The following MGAT5B variants were observed in gnomAD, a reference collection of about 807,000 sequenced individuals.
MGAT5B encodes the protein alpha-1,6-mannosylglycoprotein 6-beta-N-acetylglucosaminyltransferase B, also known as N-acetylglucosaminyl-transferase Vb.
Under a neutral mutation model 95.1 loss-of-function variants are expected in MGAT5B, and 54 were observed. The observed-to-expected ratio is 0.57, with a 90% confidence interval of 0.46 to 0.71. The LOEUF (loss-of-function observed/expected upper bound fraction) is 0.71. Among genes scored for constraint, MGAT5B ranks in the 30% least tolerant of loss-of-function variants. The pLI is 0.00. For missense variants in MGAT5B, 935 were observed against 1,088.6 expected (o/e 0.86, Z 1.99); for synonymous variants, 464 against 451.0 (o/e 1.03, Z -0.36).
chr17:76,887,497 T>TCCCTCCCTCCCTCCCTC (rs1967692517), intron 3 of MGAT5B, among the ~76,000 whole-genome samples: 2 of 30,606 alleles, frequency 6.5e-5, no homozygotes, highest in African/African-American at 1.6e-4. Context: ...CTCCCTCCCT[T>TCCCTCCCTCCCTCCCTC]CCTCTCTCCC....
Position 76,905,299 on chromosome 17 carries a change from A to G in MGAT5B, c.821A>G (p.Gln274Arg), listed in dbSNP as rs771561902. The G allele has an allele frequency of 6.2e-7, 1 of 1,602,708 alleles. No homozygotes were observed. The highest frequency in any genetic ancestry group is 1.7e-5 in the Admixed American group (1 of 59,566). ...QWALAAQRLA[Q>R]KLGATQRDQK... The stretch of plus-strand genomic sequence containing the variant: ...GCGCTGGCTGCCCAGCGCCTGGCAC[A>G]GAAGCTGGGGGCCACCCAGAGGGAC... Residue 274 changes from glutamine (Q) to arginine (R), a missense_variant, in exon 7 of 18, where the codon CAG becomes CGG. Coordinates refer to ENST00000569840, the MANE Select transcript of MGAT5B (RefSeq NM_001199172.2). The surrounding 1 kb of genome is among the most constrained non-coding windows in gnomAD (Gnocchi z 4.2).
chr17:76,924,020 G>T (rs923433207), intron 8 of MGAT5B: 2 of 152,344 alleles, frequency 1.3e-5, no homozygotes. Flanking sequence ...CCCTGCAGGG[G>T]AGAAACCGAG....
intron 4 of MGAT5B, 51 bp from the exon 5 acceptor site, chr17:76,903,252 C>T (rs755685566): frequency 6.7e-7 from 1 of 1,492,696 alleles, no homozygotes; most frequent in South Asian, 1.2e-5. Context: ...GCCTCCCTCC[C>T]TGGGCTCCTC....
intron 2 of MGAT5B, among the ~76,000 whole-genome samples, chr17:76,875,653 CTTTTTTTTT>C (rs547158669): frequency 1.5e-5 from 1 of 67,110 alleles, no homozygotes. Context: ...GTCACTTGCA[CTTTTTTTTT>C]TTTTTTTTTT....
At chr17:76,928,299 A>G (rs142252290) in intron 10 of MGAT5B, among the ~76,000 whole-genome samples, 1 of 152,160 alleles carries the variant, frequency 6.6e-6, no homozygotes, top group East Asian at 1.9e-4. Flanking sequence ...AGATTTCTGG[A>G]GGGAAAGGAA....
At chr17:76,928,834 G>T (rs990703554) in intron 10 of MGAT5B, among the ~76,000 whole-genome samples, 13 of 152,024 alleles carry the variant, frequency 8.6e-5, no homozygotes, top group African/African-American at 2.7e-4. Context: ...CTGAATTCAC[G>T]TCGGAGGACC....
Position 76,882,160 on chromosome 17 carries a change from G to T in MGAT5B, c.191G>T (p.Gly64Val), listed in dbSNP as rs1000671574. ...CACACTCTGCCCACAGTGATGGGGG[G>T]CCCCGAGTCCCGCGGCGTCCTGCGC... ...PFTIRTEVMG[G>V]PESRGVLRKM... Residue 64 changes from glycine (G) to valine (V), a missense_variant, in exon 3 of 18, where the codon GGC (glycine) becomes GTC (valine). Physicochemically the swap from Gly to Val is moderately radical, Grantham distance 109. This residue lies in a region of MGAT5B where 243 missense variants were observed against 228.2 expected (regional missense o/e 1.06). Coordinates refer to ENST00000569840, the MANE Select transcript of MGAT5B (RefSeq NM_001199172.2). The T allele has an allele frequency of 3.1e-6, 5 of 1,610,250 alleles. No individual in the cohort carries two copies. In the South Asian group the frequency reaches 5.5e-5, roughly 18 times the overall value.
At chr17:76,946,129 G>T (rs542608516) in intron 15 of MGAT5B, 1 of 433,864 alleles carries the variant, frequency 2.3e-6, no homozygotes, top group Non-Finnish European at 4.1e-6. Context: ...GACCTGGGAG[G>T]GGGTGGGGAG....
chr17:76,893,181 A>G (rs1056206356), intron 3 of MGAT5B, among the ~76,000 whole-genome samples: 10 of 151,974 alleles, frequency 6.6e-5, no homozygotes, highest in Non-Finnish European at 1.3e-4. Flanking sequence ...GACACACCCC[A>G]GGTTGCTCTC....
intron 2 of MGAT5B, among the ~76,000 whole-genome samples, chr17:76,877,187 G>A (rs757510556): frequency 7.9e-5 from 12 of 152,086 alleles, no homozygotes; most frequent in Non-Finnish European, 1.6e-4. Context: ...TTAGCAGGGT[G>A]TGGTGGCACG....
intron 8 of MGAT5B, among the ~76,000 whole-genome samples, chr17:76,923,558 G>T (rs1256235863): frequency 9.2e-5 from 14 of 152,032 alleles, no homozygotes; most frequent in Admixed American, 8.5e-4. Flanking sequence ...AGGGCACGTG[G>T]CCTTCTCTGC....
At chr17:76,931,349 G>A (rs980996532) in intron 10 of MGAT5B, among the ~76,000 whole-genome samples, 6 of 152,190 alleles carry the variant, frequency 3.9e-5, no homozygotes, top group African/African-American at 1.4e-4. Context: ...CACCTGCCTT[G>A]GCCTACCAAA....
chr17:76,932,279 C>A (rs1048852866), intron 10 of MGAT5B, among the ~76,000 whole-genome samples: 4 of 151,914 alleles, frequency 2.6e-5, no homozygotes, highest in African/African-American at 9.7e-5. Flanking sequence ...ACTATAGGCG[C>A]GTGCCACCAT....
rs1280056202 is a variant in MGAT5B, at chr17:76,916,614, G to A, written c.1026-8352G>A. 6.6e-6 allele frequency among the ~76,000 whole-genome samples: 1 copy of A among 152,196 alleles called. No individual in the cohort carries two copies. Among genetic ancestry groups the A allele is most frequent in the East Asian group, 1.9e-4 (1 of 5,188 alleles). Reference sequence around the variant, plus strand: ...AGGAGTTCAAGACCAACCTGAGCAAGGAAACCTCATCTCTACAAGAAAAAA... The same window carrying A: ...AGGAGTTCAAGACCAACCTGAGCAAAGAAACCTCATCTCTACAAGAAAAAA... On this transcript the variant is annotated intron_variant, in intron 8 of 17. Coordinates refer to ENST00000569840, the MANE Select transcript of MGAT5B (RefSeq NM_001199172.2). This position sits in a 1 kb window ranked among gnomAD's most constrained non-coding sequence, Gnocchi z 5.3.
In MGAT5B at chr17:76,915,573, G is replaced by C. The variant is rs1484812249; in HGVS notation, c.1025+9386G>C. Among the ~76,000 whole-genome samples, 1 of 152,198 alleles carries C rather than the reference G, an allele frequency of 6.6e-6. No individual in the cohort carries two copies. The highest frequency in any genetic ancestry group is 1.9e-4 in the East Asian group (1 of 5,194). On this transcript the variant is annotated intron_variant, in intron 8 of 17. Transcript: ENST00000569840. This position sits in a 1 kb window ranked among gnomAD's most constrained non-coding sequence, Gnocchi z 8.7. ...TGTTAAGGCTTGATGAGGCTGGGAA[G>C]TGGGCGCATTGGAGCATTATATGAT...
chr17:76,927,426 G>C (rs1331555059), intron 10 of MGAT5B, among the ~76,000 whole-genome samples: 1 of 152,134 alleles, frequency 6.6e-6, no homozygotes, highest in Non-Finnish European at 1.5e-5. Context: ...TTTTTGTAGA[G>C]AAAGGGTTTC....
Position 76,912,198 on chromosome 17 carries a change from T to C in MGAT5B, c.1025+6011T>C, listed in dbSNP as rs1598949950. On this transcript the variant is annotated intron_variant, in intron 8 of 17. Transcript: ENST00000569840. This position sits in a 1 kb window ranked among gnomAD's most constrained non-coding sequence, Gnocchi z 5.0. ...CAAATAAGGTCATAGCCTGAAGAAC[T>C]GGGGGTTAGGACTTCAATATGTCAA... Among the ~76,000 whole-genome samples, 1 of 152,166 alleles carries C rather than the reference T, an allele frequency of 6.6e-6. No homozygotes were observed. The highest frequency in any genetic ancestry group is 1.9e-4 in the East Asian group (1 of 5,192).
intron 3 of MGAT5B, among the ~76,000 whole-genome samples, chr17:76,893,663 T>C (rs929631389): frequency 6.6e-6 from 1 of 152,214 alleles, no homozygotes; most frequent in Admixed American, 6.5e-5. Context: ...TCAAGGTTTG[T>C]ACCCTGGTAA....
intron 5 of MGAT5B, 32 bp downstream of exon 5, chr17:76,903,408 T>G: frequency 1.3e-6 from 2 of 1,576,098 alleles, no homozygotes; most frequent in Non-Finnish European, 1.7e-6. Flanking sequence ...TGGGGATGTC[T>G]ACAGCTAGGG....
Sources: gnomAD v4.1 joint callset for allele counts (sites outside exome capture counted in the v4.1 genomes callset) on GRCh38, gnomAD v4.1.1 for gene constraint, gnomAD v4.1.1 regional missense constraint, Gnocchi (gnomAD v3.1) non-coding constraint, MANE v1.5 for transcripts, NCBI Gene and HGNC (gene_info 2026-07-23, HGNC 2026-07-21) for gene names.